Variants in MAP3K20 observed in about 807,000 individuals in gnomAD.
MAP3K20 encodes mitogen-activated protein kinase kinase kinase 20, also known as HCCS-4.
A neutral mutation model predicts 85.7 loss-of-function variants in MAP3K20; 40 were observed. The ratio of observed to expected loss-of-function variants is 0.47; its 90% confidence interval spans 0.36 to 0.61. The LOEUF is 0.61. Ranked by LOEUF, MAP3K20 falls within the 20% of genes least tolerant of loss-of-function variation. MAP3K20 has a pLI of 0.00. For missense variants in MAP3K20, 817 were observed against 961.7 expected (o/e 0.85, Z 1.99); for synonymous variants, 325 against 327.7 (o/e 0.99, Z 0.09).
chr2:173,120,506 A>ACTGCC (rs1242684658), intron 2 of MAP3K20, among the ~76,000 whole-genome samples: 5 of 151,452 alleles, frequency 3.3e-5, no homozygotes, highest in Non-Finnish European at 4.4e-5. Flanking sequence ...GTTGGTTCAG[A>ACTGCC]ACCTAGAATA....
At chr2:173,151,622 G>T (rs1448329776) in intron 2 of MAP3K20, among the ~76,000 whole-genome samples, 1 of 152,214 alleles carries the variant, frequency 6.6e-6, no homozygotes, top group South Asian at 2.1e-4. Flanking sequence ...TTATCGAAAT[G>T]TGCAGGCATG....
At chr2:173,134,194 T>A (rs895761695) in intron 2 of MAP3K20, among the ~76,000 whole-genome samples, 14 of 123,956 alleles carry the variant, frequency 1.1e-4, no homozygotes, top group African/African-American at 4.8e-4. Context: ...AATAGCTATC[T>A]TTTTTTTTTT....
intron 17 of MAP3K20, among the ~76,000 whole-genome samples, chr2:173,259,042 GTTTAATTTTTT>G (rs906229753): frequency 6.6e-6 from 1 of 152,056 alleles, no homozygotes; most frequent in African/African-American, 2.4e-5. Context: ...AAAAGGTATC[GTTTAATTTTTT>G]TTTAATTTTT....
At chr2:173,182,045 T>A (rs1690347173) in intron 3 of MAP3K20, among the ~76,000 whole-genome samples, 1 of 152,064 alleles carries the variant, frequency 6.6e-6, no homozygotes, top group African/African-American at 2.4e-5. Flanking sequence ...ACCACTGCAC[T>A]CCAACCTGGG....
chr2:173,173,150 A>G (rs1690049296), intron 3 of MAP3K20, among the ~76,000 whole-genome samples: 2 of 111,288 alleles, frequency 1.8e-5, no homozygotes, highest in African/African-American at 6.9e-5. Flanking sequence ...CCATTCTTTT[A>G]TTTCTGTGTG....
chr2:173,213,127 T>C (rs1199347438), intron 10 of MAP3K20, among the ~76,000 whole-genome samples: 1 of 152,162 alleles, frequency 6.6e-6, no homozygotes, highest in African/African-American at 2.4e-5. Flanking sequence ...GTAATGGGAT[T>C]ATAGAGAGTG....
chr2:173,106,815 G>C (rs1559233411), intron 2 of MAP3K20, among the ~76,000 whole-genome samples: 1 of 152,314 alleles, frequency 6.6e-6, no homozygotes, highest in Non-Finnish European at 1.5e-5. Context: ...TCAGGTGCTG[G>C]AGGCAGGAAG....
At chr2:173,079,453 A>G (rs558247879) in intron 1 of MAP3K20, among the ~76,000 whole-genome samples, 1 of 152,296 alleles carries the variant, frequency 6.6e-6, no homozygotes, top group African/African-American at 2.4e-5. Flanking sequence ...AGGCTCTACT[A>G]GATTTATTTA....
intron 2 of MAP3K20, among the ~76,000 whole-genome samples, chr2:173,131,068 G>C (rs540659048): frequency 9.9e-5 from 15 of 152,202 alleles, no homozygotes; most frequent in African/African-American, 2.6e-4. Flanking sequence ...TGTCTGCCTC[G>C]ATAAAAACCC....
At chr2:173,171,181 C>T (rs1246203974) in intron 3 of MAP3K20, among the ~76,000 whole-genome samples, 1 of 152,150 alleles carries the variant, frequency 6.6e-6, no homozygotes, top group Non-Finnish European at 1.5e-5. Context: ...CCATACCTCA[C>T]ATTTTAAGTC....
chr2:173,187,129 CTG>C (rs1350541845), intron 4 of MAP3K20, among the ~76,000 whole-genome samples: 14 of 152,254 alleles, frequency 9.2e-5, no homozygotes, highest in Admixed American at 1.3e-4. Context: ...ACTTCGGTAA[CTG>C]GACATCAGAA....
chr2:173,179,319 G>A (rs1690255072), intron 3 of MAP3K20, among the ~76,000 whole-genome samples: 1 of 151,176 alleles, frequency 6.6e-6, no homozygotes, highest in Admixed American at 6.6e-5. Context: ...TGTGAACCTG[G>A]AGGCGGAGCT....
Position 173,266,270 on chromosome 2 carries a change from T to G in MAP3K20, c.1923T>G (p.Tyr641Ter). 2 of 1,614,150 alleles carry G rather than the reference T, an allele frequency of 1.2e-6. No individual in the cohort carries two copies. Among genetic ancestry groups the G allele is most frequent in the Non-Finnish European group, 1.7e-6 (2 of 1,180,010 alleles). ...NQSRSSSPTQ[Y>*]GLTKNFSSLH... ...CCAGAAGCTCGTCTCCTACTCAGTA[T>G]GGACTGACCAAAAACTTCTCTTCCC... The change falls in exon 20 of 20, where the codon TAT becomes TAG. Residue 641 changes from tyrosine to a stop codon, truncating the protein, a stop_gained. Coordinates refer to ENST00000375213, the MANE Select transcript of MAP3K20 (RefSeq NM_016653.3). LOFTEE classifies it low-confidence loss of function (END_TRUNC).
intron 2 of MAP3K20, among the ~76,000 whole-genome samples, chr2:173,142,862 G>C (rs1406904732): frequency 3.3e-5 from 5 of 151,970 alleles, no homozygotes; most frequent in African/African-American, 9.7e-5. Flanking sequence ...TGCTAGGCTG[G>C]ATGAAAAAGC....
chr2:173,256,411 G>A (rs1269515815), intron 16 of MAP3K20, among the ~76,000 whole-genome samples: 1 of 152,138 alleles, frequency 6.6e-6, no homozygotes, highest in African/African-American at 2.4e-5. Context: ...AGGACTGCTT[G>A]AGGCCAAGCG....
At chr2:173,159,397 TC>T (rs1689579804) in intron 2 of MAP3K20, among the ~76,000 whole-genome samples, 6 of 102,660 alleles carry the variant, frequency 5.8e-5, no homozygotes, top group Non-Finnish European at 1.3e-4. Flanking sequence ...TTTCCTTCCT[TC>T]CTTCTTTTTT....
At chr2:173,262,013 G>A (rs968634851) in intron 18 of MAP3K20, among the ~76,000 whole-genome samples, 11 of 140,924 alleles carry the variant, frequency 7.8e-5, no homozygotes, top group African/African-American at 2.9e-4. Flanking sequence ...TGAGACCCCT[G>A]TCTCCAGAAA....
intron 2 of MAP3K20, among the ~76,000 whole-genome samples, chr2:173,110,247 T>A (rs1254446126): frequency 2.2e-4 from 14 of 63,820 alleles, no homozygotes; most frequent in Non-Finnish European, 3.4e-4. Flanking sequence ...ATATATTTTT[T>A]TTTTTTTTTT....
At chr2:173,210,198 A>G (rs1683839255) in intron 10 of MAP3K20, 1 of 220,602 alleles carries the variant, frequency 4.5e-6, no homozygotes, top group South Asian at 6.4e-5. Flanking sequence ...CTAAAAATAC[A>G]AAAAATTAGC....
Sources: gnomAD v4.1 joint callset for allele counts (sites outside exome capture counted in the v4.1 genomes callset) on GRCh38, gnomAD v4.1.1 for gene constraint, MANE v1.5 for transcripts, NCBI Gene and HGNC (gene_info 2026-07-23, HGNC 2026-07-21) for gene names.